Variants in GUCY1A2 observed in about 807,000 individuals in gnomAD.
The protein encoded by GUCY1A2 is guanylate cyclase 1 soluble subunit alpha 2, also known as guanylate cyclase soluble subunit alpha-2.
A neutral mutation model predicts 63.5 loss-of-function variants in GUCY1A2; 27 were observed. The ratio of observed to expected loss-of-function variants is 0.43; its 90% CI spans 0.31 to 0.59. The LOEUF is 0.59. Ranked by LOEUF, GUCY1A2 falls within the 20% of genes least tolerant of loss-of-function variation. The probability of loss-of-function intolerance (pLI) is 0.11; values close to 1 mark genes in which losing one functional copy is unlikely to be tolerated. For synonymous variants in GUCY1A2, 364 were observed against 343.5 expected, an observed-to-expected ratio of 1.06 and a Z score of -0.66; for missense variants, 768 against 913.3, an observed-to-expected ratio of 0.84 and a Z score of 2.05.
chr11:106,872,209 C>T (rs184433274), intron 4 of GUCY1A2, among the ~76,000 whole-genome samples: 3 of 152,162 alleles, frequency 2.0e-5, no homozygotes, highest in Admixed American at 2.0e-4. Flanking sequence ...ATCATCTGCA[C>T]GATTACAGGA....
intron 5 of GUCY1A2, among the ~76,000 whole-genome samples, chr11:106,784,775 C>T (rs902669864): frequency 6.6e-6 from 1 of 152,112 alleles, no homozygotes; most frequent in African/African-American, 2.4e-5. Context: ...AATATTCTAG[C>T]AATAATTTTT....
intron 5 of GUCY1A2, among the ~76,000 whole-genome samples, chr11:106,806,409 G>C (rs2135422077): frequency 6.6e-6 from 1 of 152,296 alleles, no homozygotes; most frequent in South Asian, 2.1e-4. Flanking sequence ...AATGGAATCA[G>C]AGAAAGGCAA....
chr11:106,846,061 C>T (rs1859266836), intron 4 of GUCY1A2, among the ~76,000 whole-genome samples: 1 of 151,472 alleles, frequency 6.6e-6, no homozygotes, highest in Non-Finnish European at 1.5e-5. Context: ...GATTGTAGAA[C>T]TCTAAAAAAT....
chr11:106,709,273 A>T (rs12273881), intron 6 of GUCY1A2, among the ~76,000 whole-genome samples: 1 of 61,634 alleles, frequency 1.6e-5, no homozygotes, highest in Admixed American at 2.6e-4. Context: ...ATATATTTAT[A>T]TATATAAATT....
At chr11:106,931,183 CAATT>C (rs554743402) in intron 4 of GUCY1A2, among the ~76,000 whole-genome samples, 5 of 152,046 alleles carry the variant, frequency 3.3e-5, no homozygotes, top group Non-Finnish European at 7.4e-5. Flanking sequence ...AAGCAAACAA[CAATT>C]AAGTATGGAC....
At chr11:106,822,232 A>C (rs1858912291) in intron 4 of GUCY1A2, among the ~76,000 whole-genome samples, 1 of 152,222 alleles carries the variant, frequency 6.6e-6, no homozygotes, top group Non-Finnish European at 1.5e-5. Context: ...TAGAAATTCA[A>C]GACTTATCTT....
chr11:106,741,103 G>A (rs975668134), intron 6 of GUCY1A2, among the ~76,000 whole-genome samples: 1 of 152,114 alleles, frequency 6.6e-6, no homozygotes, highest in African/African-American at 2.4e-5. Context: ...TGTAGGAGAT[G>A]TACACAATTT....
intron 4 of GUCY1A2, among the ~76,000 whole-genome samples, chr11:106,919,663 A>T (rs1457304206): frequency 1.3e-5 from 2 of 152,158 alleles, no homozygotes; most frequent in African/African-American, 4.8e-5. Flanking sequence ...AAATTAAGTT[A>T]GTGATGCTAA....
rs184786903 is a variant in GUCY1A2 at position 106,916,249 on chromosome 11, C to G, written c.1206+23211G>C. Among the ~76,000 whole-genome samples the G allele has an allele frequency of 1.6e-4, 23 of 145,472 alleles. 3 individuals are homozygous for G. Among genetic ancestry groups the G allele is most frequent in the Admixed American group, 1.4e-3 (20 of 14,596 alleles). On this transcript the variant is annotated intron_variant, in intron 4 of 7. Coordinates refer to ENST00000526355, the MANE Select transcript of GUCY1A2 (RefSeq NM_000855.3). ...ACAACAGCTGTTATATCAATCCTGT[C>G]TATTAGTTGTTCAGGGAAAAATCAA...
At chr11:106,965,124 T>A (rs1378947320) in intron 3 of GUCY1A2, among the ~76,000 whole-genome samples, 1 of 152,008 alleles carries the variant, frequency 6.6e-6, no homozygotes, top group African/African-American at 2.4e-5. Flanking sequence ...GGAAGATGTG[T>A]CACAATTACC....
intron 5 of GUCY1A2, among the ~76,000 whole-genome samples, chr11:106,780,758 T>TTAAG (rs149067999): frequency 6.6e-6 from 1 of 152,228 alleles, no homozygotes; most frequent in Non-Finnish European, 1.5e-5. Context: ...TCTGGAAAGT[T>TTAAG]TAAGTAATTG....
intron 6 of GUCY1A2, among the ~76,000 whole-genome samples, chr11:106,751,485 T>A (rs1026438425): frequency 6.6e-6 from 1 of 150,868 alleles, no homozygotes; most frequent in Non-Finnish European, 1.5e-5. Flanking sequence ...ATTCCCTTCA[T>A]GGGACTTGAC....
chr11:106,757,993 G>A (rs977598111), intron 6 of GUCY1A2, among the ~76,000 whole-genome samples: 5 of 152,326 alleles, frequency 3.3e-5, no homozygotes, highest in South Asian at 2.1e-4. Flanking sequence ...GGGAGATGAG[G>A]GTTTTATCTA....
intron 2 of GUCY1A2, among the ~76,000 whole-genome samples, chr11:106,984,463 T>A (rs1187837264): frequency 6.6e-6 from 1 of 152,150 alleles, no homozygotes; most frequent in Non-Finnish European, 1.5e-5. Flanking sequence ...GAGAAAAAAC[T>A]TTTCTGATTA....
chr11:106,884,783 A>G (rs28707027), intron 4 of GUCY1A2, among the ~76,000 whole-genome samples: 1 of 152,148 alleles, frequency 6.6e-6, no homozygotes, highest in African/African-American at 2.4e-5. Context: ...TTTAAAAACA[A>G]AAAAAGACAC....
intron 7 of GUCY1A2, among the ~76,000 whole-genome samples, chr11:106,696,521 T>C (rs1374451267): frequency 6.6e-6 from 1 of 152,170 alleles, no homozygotes; most frequent in African/African-American, 2.4e-5. Flanking sequence ...GTTGATTTCA[T>C]TACTTAAAAA....
intron 4 of GUCY1A2, among the ~76,000 whole-genome samples, chr11:106,873,139 T>C (rs1859703360): frequency 6.6e-6 from 1 of 152,236 alleles, no homozygotes. Flanking sequence ...GTGGTATATA[T>C]GTACCACATT....
chr11:106,675,473 G>C lies in GUCY1A2; in HGVS notation c.*12076C>G, dbSNP rs968739393. The C allele has an allele frequency of 9.9e-6, 2 of 201,644 alleles. No individual in the cohort carries two copies. The highest frequency in any genetic ancestry group is 2.0e-5 in the Non-Finnish European group (2 of 98,082). The allele number at this position is 201,644 out of a possible 1,614,324, so 12.5% of individuals were successfully genotyped here. ...AATTCTTAAAGGAGACAATGAATTAGTAGCTTGTAAATTTTGCAGATCTGG... is the reference window on the plus strand; with the variant it reads ...AATTCTTAAAGGAGACAATGAATTACTAGCTTGTAAATTTTGCAGATCTGG... On this transcript the variant is annotated 3_prime_UTR_variant, in exon 8 of 8. Coordinates refer to ENST00000526355, the MANE Select transcript of GUCY1A2 (RefSeq NM_000855.3).
chr11:106,989,630 T>A (rs189764363), intron 1 of GUCY1A2, among the ~76,000 whole-genome samples: 8 of 152,222 alleles, frequency 5.3e-5, no homozygotes, highest in Admixed American at 1.3e-4. Flanking sequence ...ACAGGTGTAA[T>A]GTTTCAAGAT....
Sources: allele counts gnomAD v4.1 joint callset (sites outside exome capture counted in the v4.1 genomes callset), GRCh38; gene constraint gnomAD v4.1.1; transcripts MANE v1.5; gene names NCBI Gene and HGNC (gene_info 2026-07-23, HGNC 2026-07-21).